The following RBM20 variants were observed in gnomAD, a reference collection of about 807,000 sequenced individuals.
RBM20 encodes RNA binding motif protein 20.
RBM20 carries 51 observed loss-of-function variants against 110.1 expected under a neutral mutation model. That is an observed-to-expected ratio of 0.46 (90% CI 0.37 to 0.59). The LOEUF (loss-of-function observed/expected upper bound fraction) is 0.59, where lower values mean the gene tolerates loss of function less well. Ranked by LOEUF, RBM20 falls within the 20% of genes least tolerant of loss-of-function variation. The probability of loss-of-function intolerance (pLI) is 0.00; values close to 1 mark genes in which losing one functional copy is unlikely to be tolerated. For synonymous variants in RBM20, 589 were observed against 618.2 expected (o/e 0.95, Z 0.70); for missense variants, 1,512 against 1,574.9 (o/e 0.96, Z 0.68).
At chr10:110,684,436 A>C (rs922927853) in intron 1 of RBM20, among the ~76,000 whole-genome samples, 1 of 151,896 alleles carries the variant, frequency 6.6e-6, no homozygotes, top group African/African-American at 2.4e-5. Context: ...AAAGAAAAAG[A>C]AAAAGAAAAC....
At chr10:110,801,016 C>G (rs1448841606) in intron 7 of RBM20, among the ~76,000 whole-genome samples, 1 of 152,186 alleles carries the variant, frequency 6.6e-6, no homozygotes, top group African/African-American at 2.4e-5. Context: ...ACTAGAGGTA[C>G]ATACATAACT....
rs539909836 is a variant in RBM20 at position 110,826,948 on chromosome 10, A to T, written c.3451+3334A>T. 5.9e-5 allele frequency among the ~76,000 whole-genome samples: 9 copies of T among 152,228 alleles called. No homozygotes were observed. In the South Asian group the frequency reaches 1.5e-3, roughly 25 times the overall value. On this transcript the variant is annotated intron_variant, in intron 12 of 13. Coordinates refer to ENST00000369519, the MANE Select transcript of RBM20 (RefSeq NM_001134363.3). ...TGCGTTGCATATATGGATACATCACATTCTGTTTATTTATTCATCTGTTGA... is the reference window on the plus strand; with the variant it reads ...TGCGTTGCATATATGGATACATCACTTTCTGTTTATTTATTCATCTGTTGA...
intron 1 of RBM20, among the ~76,000 whole-genome samples, chr10:110,686,383 G>T (rs565827109): frequency 1.3e-5 from 2 of 151,256 alleles, no homozygotes; most frequent in Admixed American, 1.3e-4. Context: ...TCCTTCCCCC[G>T]ATCCCACCCC....
At chr10:110,666,192 A>G (rs1445253017) in intron 1 of RBM20, among the ~76,000 whole-genome samples, 1 of 152,258 alleles carries the variant, frequency 6.6e-6, no homozygotes, top group Non-Finnish European at 1.5e-5. Context: ...GAGTACATGG[A>G]AATCATTATA....
chr10:110,727,283 G>T (rs1396124114), intron 1 of RBM20, among the ~76,000 whole-genome samples: 2 of 147,554 alleles, frequency 1.4e-5, no homozygotes, highest in Non-Finnish European at 3.0e-5. Flanking sequence ...CAGTTTTTGG[G>T]TTTCTGATTC....
intron 1 of RBM20, among the ~76,000 whole-genome samples, chr10:110,719,980 G>A (rs1843484978): frequency 6.6e-6 from 1 of 151,858 alleles, no homozygotes; most frequent in Non-Finnish European, 1.5e-5. Flanking sequence ...GTGAGGGACA[G>A]CTTCCTGGTT....
intron 7 of RBM20, among the ~76,000 whole-genome samples, chr10:110,806,348 C>T (rs899776011): frequency 1.3e-5 from 2 of 152,036 alleles, no homozygotes; most frequent in African/African-American, 4.8e-5. Flanking sequence ...CCACAGGCTG[C>T]ATAGGAAACA....
At chr10:110,830,797 A>G (rs1055754674) in intron 12 of RBM20, among the ~76,000 whole-genome samples, 7 of 152,214 alleles carry the variant, frequency 4.6e-5, no homozygotes, top group Non-Finnish European at 1.5e-5. Context: ...GCGGCAGGCC[A>G]TGGAATGGCT....
chr10:110,690,419 A>G (rs1038698130), intron 1 of RBM20, among the ~76,000 whole-genome samples: 6 of 152,154 alleles, frequency 3.9e-5, no homozygotes, highest in Non-Finnish European at 5.9e-5. Flanking sequence ...AAAAAACAAA[A>G]AAACAAAACC....
chr10:110,800,164 A>G (rs796780881), intron 7 of RBM20, among the ~76,000 whole-genome samples: 2 of 152,334 alleles, frequency 1.3e-5, no homozygotes, highest in African/African-American at 4.8e-5. Flanking sequence ...TTCCAGAAGA[A>G]GATGTTCACA....
intron 1 of RBM20, among the ~76,000 whole-genome samples, chr10:110,734,215 T>C (rs1172834233): frequency 6.6e-6 from 1 of 152,192 alleles, no homozygotes; most frequent in Non-Finnish European, 1.5e-5. Flanking sequence ...AGGGTCTCAT[T>C]TGTGTCCCAG....
intron 1 of RBM20, among the ~76,000 whole-genome samples, chr10:110,673,827 G>A (rs1862294955): frequency 6.6e-6 from 1 of 152,166 alleles, no homozygotes; most frequent in South Asian, 2.1e-4. Context: ...GTGTTGGATT[G>A]CTAAGTTCAG....
At chr10:110,676,521 T>C (rs1369193372) in intron 1 of RBM20, among the ~76,000 whole-genome samples, 15 of 152,244 alleles carry the variant, frequency 9.9e-5, no homozygotes. Flanking sequence ...TGGGGCAACA[T>C]CACTTAGTAC....
rs201149204 is a variant in RBM20 at position 110,823,431 on chromosome 10, CTTTTTTTTTTTT to C, written c.3317-33_3317-22del. The stretch of plus-strand genomic sequence containing the variant: ...GGACTCTTTGAGGCATGTTGTATTT[CTTTTTTTTTTTT>C]TTTTTTTTTTTTTTTGCCTTGGTTC... On this transcript the variant is annotated intron_variant, in intron 11 of 13. Coordinates refer to ENST00000369519, the MANE Select transcript of RBM20 (RefSeq NM_001134363.3). 18,128 of 1,291,844 alleles carry C rather than the reference CTTTTTTTTTTTT, an allele frequency of 0.014. 65 individuals are homozygous for C. The highest frequency in any genetic ancestry group is 0.016 in the Non-Finnish European group (15,294 of 985,558). 80.0% of individuals were successfully genotyped at this position (1,291,844 alleles called of 1,614,324 possible).
intron 8 of RBM20, among the ~76,000 whole-genome samples, chr10:110,811,492 GT>G (rs1844766980): frequency 6.6e-6 from 1 of 152,076 alleles, no homozygotes; most frequent in Non-Finnish European, 1.5e-5. Context: ...GATTATTTGG[GT>G]TTTTTAAAGA....
chr10:110,717,270 C>A (rs532594493), intron 1 of RBM20, among the ~76,000 whole-genome samples: 1 of 152,270 alleles, frequency 6.6e-6, no homozygotes, highest in South Asian at 2.1e-4. Context: ...ATTCACTACA[C>A]CCTCATTCTT....
chr10:110,747,323 A>G (rs1349428864), intron 1 of RBM20, among the ~76,000 whole-genome samples: 2 of 150,760 alleles, frequency 1.3e-5, no homozygotes, highest in African/African-American at 4.9e-5. Context: ...CTGGCAGGGT[A>G]GCACTGGCTT....
At chr10:110,775,856 A>T (rs2135031787) in intron 1 of RBM20, among the ~76,000 whole-genome samples, 1 of 152,320 alleles carries the variant, frequency 6.6e-6, no homozygotes, top group African/African-American at 2.4e-5. Flanking sequence ...AGCAAAGTAC[A>T]GGGTGGATTC....
Position 110,823,558 on chromosome 10 carries a change from T to A in RBM20, c.3395T>A (p.Leu1132His). The A allele has an allele frequency of 6.5e-7, 1 of 1,550,250 alleles. No individual in the cohort carries two copies. ...EYTEVELKQP[L>H]SLPSWEPEDV... ...ACTGAAGTGGAACTGAAACAGCCCC[T>A]TTCTTTGCCCTCTTGGGAACCAGAG... is the stretch of plus-strand genomic sequence containing the variant. Residue 1132 changes from leucine (L) to histidine (H), a missense_variant, in exon 12 of 14, where the codon CTT becomes CAT. Around this residue, in one of 3 missense-constraint regions of RBM20, gnomAD observed 358 missense variants for 384.2 expected, o/e 0.93. Transcript: ENST00000369519.
Sources: gnomAD v4.1 joint callset for allele counts (sites outside exome capture counted in the v4.1 genomes callset) on GRCh38, gnomAD v4.1.1 for gene constraint, gnomAD v4.1.1 regional missense constraint, MANE v1.5 for transcripts, NCBI Gene and HGNC (gene_info 2026-07-23, HGNC 2026-07-21) for gene names.